The following RORA variants were observed in gnomAD, a reference collection of about 807,000 sequenced individuals.
RORA encodes the protein RAR related orphan receptor A.
RORA carries 7 observed loss-of-function variants against 69.5 expected under a neutral mutation model. The observed-to-expected ratio is 0.10, with a 90% CI of 0.06 to 0.19. RORA has a LOEUF of 0.19. RORA is among the 10% of genes least tolerant of loss of function. The pLI is 1.00. For missense variants in RORA, 457 were observed against 663.0 expected (o/e 0.69, Z 3.41); for synonymous variants, 261 against 240.8 (o/e 1.08, Z -0.78).
intron 1 of RORA, among the ~76,000 whole-genome samples, chr15:60,871,922 G>T (rs769725811): frequency 5.3e-5 from 8 of 152,234 alleles, no homozygotes; most frequent in African/African-American, 1.2e-4. Context: ...AGTTATGTAA[G>T]ATGTTAACGT....
At chr15:61,012,939 C>T (rs946478321) in intron 1 of RORA, among the ~76,000 whole-genome samples, 1 of 152,172 alleles carries the variant, frequency 6.6e-6, no homozygotes, top group Non-Finnish European at 1.5e-5. Flanking sequence ...TGTGAGCCAC[C>T]GCGCTCCCAG....
At chr15:60,930,663 G>C (rs1249173658) in intron 1 of RORA, among the ~76,000 whole-genome samples, 4 of 152,212 alleles carry the variant, frequency 2.6e-5, no homozygotes, top group African/African-American at 9.6e-5. Context: ...AAGGAAGTTA[G>C]ACTTCTGAAT....
chr15:60,968,174 A>G (rs1893610710), intron 1 of RORA, among the ~76,000 whole-genome samples: 2 of 152,228 alleles, frequency 1.3e-5, no homozygotes, highest in Admixed American at 1.3e-4. Context: ...ACGTAAACAG[A>G]TAATTCCCAA....
At chr15:61,181,647 G>T (rs902323200) in intron 1 of RORA, among the ~76,000 whole-genome samples, 1 of 13,122 alleles carries the variant, frequency 7.6e-5, no homozygotes, top group African/African-American at 3.2e-4. Flanking sequence ...GCAGAACAAA[G>T]AAAAAAAAGT....
chr15:60,943,155 T>C (rs1892751003), intron 1 of RORA, among the ~76,000 whole-genome samples: 1 of 152,210 alleles, frequency 6.6e-6, no homozygotes, highest in Admixed American at 6.5e-5. Flanking sequence ...TTTTGAGACT[T>C]GGCCCTTCAA....
rs531546282 is a variant in RORA, at chr15:60,558,278, G to T, written c.197-26427C>A. 1.7e-5 allele frequency: 28 copies of T among 1,612,628 alleles called. No individual in the cohort carries two copies. The African/African-American group carries it at 3.3e-4, about 19-fold the overall frequency. On this transcript the variant is annotated intron_variant, in intron 2 of 10. Coordinates refer to ENST00000335670, the MANE Select transcript of RORA (RefSeq NM_134261.3). ...CCTGAAGACAGGATACACTGATGGA[G>T]TATTTGGAGAATCCCAAAAAGTTCA...
intron 1 of RORA, among the ~76,000 whole-genome samples, chr15:61,050,818 A>C (rs986503366): frequency 1.3e-5 from 2 of 152,196 alleles, no homozygotes; most frequent in African/African-American, 4.8e-5. Context: ...ATGAATAGGT[A>C]CTATTATTAT....
At chr15:61,113,914 T>C (rs1171148092) in intron 1 of RORA, among the ~76,000 whole-genome samples, 2 of 152,202 alleles carry the variant, frequency 1.3e-5, no homozygotes, top group African/African-American at 4.8e-5. Flanking sequence ...CAGCCACGAA[T>C]AGCTGTTCTT....
intron 1 of RORA, among the ~76,000 whole-genome samples, chr15:60,831,852 TAAGG>T (rs2073046496): frequency 6.6e-6 from 1 of 152,118 alleles, no homozygotes; most frequent in African/African-American, 2.4e-5. Flanking sequence ...AACAAGCGAG[TAAGG>T]TTCAAGGTTG....
At chr15:60,971,863 G>A (rs932081420) in intron 1 of RORA, among the ~76,000 whole-genome samples, 7 of 152,162 alleles carry the variant, frequency 4.6e-5, no homozygotes, top group South Asian at 4.1e-4. Context: ...AGAGGGTGTG[G>A]AGCTCCTGAC....
intron 1 of RORA, among the ~76,000 whole-genome samples, chr15:60,718,162 TA>T (rs953678016): frequency 1.3e-5 from 2 of 152,202 alleles, no homozygotes; most frequent in African/African-American, 4.8e-5. Flanking sequence ...GTTGGCATAA[TA>T]AAATTAGTTC....
chr15:61,190,540 C>T (rs917373456), intron 1 of RORA, among the ~76,000 whole-genome samples: 3 of 152,146 alleles, frequency 2.0e-5, no homozygotes, highest in African/African-American at 4.8e-5. Context: ...GTGGGCAAAT[C>T]GCTTGAGCCC....
At chr15:60,520,010 T>C (rs2066109658) in intron 3 of RORA, 1 of 152,152 alleles carries the variant, frequency 6.6e-6, no homozygotes, top group African/African-American at 2.4e-5. Flanking sequence ...CACTATCTGC[T>C]TGGAAGAGGA....
intron 1 of RORA, among the ~76,000 whole-genome samples, chr15:61,208,217 G>C (rs1469086689): frequency 6.6e-6 from 1 of 152,188 alleles, no homozygotes; most frequent in African/African-American, 2.4e-5. Flanking sequence ...AGATTATTCA[G>C]CAACATAAAG....
intron 1 of RORA, among the ~76,000 whole-genome samples, chr15:60,918,608 G>A (rs1163466094): frequency 6.6e-6 from 1 of 152,214 alleles, no homozygotes; most frequent in Non-Finnish European, 1.5e-5. Context: ...GTAAGAAAAT[G>A]TTGTTATGAA....
At chr15:60,605,606 G>A (rs941064813) in intron 2 of RORA, among the ~76,000 whole-genome samples, 1 of 152,098 alleles carries the variant, frequency 6.6e-6, no homozygotes, top group Non-Finnish European at 1.5e-5. Context: ...TTAATGATAC[G>A]ATTTAAGATT....
At chr15:61,090,992 C>T (rs1179687445) in intron 1 of RORA, among the ~76,000 whole-genome samples, 1 of 152,200 alleles carries the variant, frequency 6.6e-6, no homozygotes, top group African/African-American at 2.4e-5. Flanking sequence ...GTTCCATTTA[C>T]ACAGGCTTTT....
intron 1 of RORA, among the ~76,000 whole-genome samples, chr15:61,052,427 T>A (rs2078027557): frequency 6.6e-6 from 1 of 152,262 alleles, no homozygotes; most frequent in Admixed American, 6.5e-5. Flanking sequence ...GTGGTGCCAC[T>A]GACACTGCTT....
At chr15:60,590,139 T>C (rs1279099488) in intron 2 of RORA, among the ~76,000 whole-genome samples, 8 of 150,244 alleles carry the variant, frequency 5.3e-5, no homozygotes, top group Admixed American at 3.9e-4. Flanking sequence ...TGAAATATTC[T>C]AATTGTTCAG....
Sources: gnomAD v4.1 joint callset for allele counts (sites outside exome capture counted in the v4.1 genomes callset) on GRCh38, gnomAD v4.1.1 for gene constraint, MANE v1.5 for transcripts, NCBI Gene and HGNC (gene_info 2026-07-23, HGNC 2026-07-21) for gene names.